Variants in PTPN1 observed in about 807,000 individuals in gnomAD.
PTPN1 encodes tyrosine-protein phosphatase non-receptor type 1.
A neutral mutation model predicts 59.9 loss-of-function variants in PTPN1; 12 were observed. The observed-to-expected ratio is 0.20, with a 90% CI of 0.13 to 0.32. The LOEUF is 0.32. PTPN1 is among the 10% of genes least tolerant of loss of function. PTPN1 has a pLI of 1.00. For synonymous variants in PTPN1, 178 were observed against 203.6 expected (o/e 0.87, Z 1.07); for missense variants, 356 against 549.2 (o/e 0.65, Z 3.52).
chr20:50,521,802 C>A (rs1424728639), intron 1 of PTPN1, among the ~76,000 whole-genome samples: 1 of 152,182 alleles, frequency 6.6e-6, no homozygotes, highest in Non-Finnish European at 1.5e-5. Flanking sequence ...CTTGAAAAAT[C>A]TGAAAATCAC....
chr20:50,567,224 C>T (rs1327110534), intron 3 of PTPN1, among the ~76,000 whole-genome samples: 2 of 152,074 alleles, frequency 1.3e-5, no homozygotes, highest in African/African-American at 2.4e-5. Flanking sequence ...GTCAGGAGTT[C>T]GAGGCCAGCC....
chr20:50,512,601 GGTA>G (rs2082512200), intron 1 of PTPN1, among the ~76,000 whole-genome samples: 1 of 152,154 alleles, frequency 6.6e-6, no homozygotes, highest in Non-Finnish European at 1.5e-5. Context: ...CATTCCCTGA[GGTA>G]GTTTCTTTTG....
At chr20:50,544,759 C>A (rs1464164382) in intron 1 of PTPN1, among the ~76,000 whole-genome samples, 1 of 152,142 alleles carries the variant, frequency 6.6e-6, no homozygotes, top group East Asian at 1.9e-4. Context: ...CTCTTTCACA[C>A]TTTGGGAGGC....
At chr20:50,548,899 G>GTA (rs1345101715) in intron 1 of PTPN1, among the ~76,000 whole-genome samples, 1 of 151,956 alleles carries the variant, frequency 6.6e-6, no homozygotes, top group Non-Finnish European at 1.5e-5. Context: ...TGTGTTTTTA[G>GTA]TACAGGCGGG....
chr20:50,581,300 TG>T lies in PTPN1; in HGVS notation c.1130del (p.Gly377GlufsTer27). 1 of 1,613,164 alleles carries T rather than the reference TG, an allele frequency of 6.2e-7. No individual in the cohort carries two copies. Among genetic ancestry groups the T allele is most frequent in the Non-Finnish European group, 8.5e-7 (1 of 1,179,250 alleles). ...GACACTGAAGTTAGAAGTCGGGTCG[TG>T]GGGGGAAGTCTTCGAGGTGCCCAGG... Reference protein sequence around the residue: ...SQDTEVRSRVVGGSLRGAQAA... With the variant: ...SQDTEVRSRVXGGSLRGAQAA... On this transcript the variant is annotated frameshift_variant, in exon 9 of 10. Transcript: ENST00000371621. LOFTEE classifies it high-confidence loss of function.
At chr20:50,555,860 G>C (rs142817883) in intron 1 of PTPN1, among the ~76,000 whole-genome samples, 1 of 151,822 alleles carries the variant, frequency 6.6e-6, no homozygotes, top group Non-Finnish European at 1.5e-5. Flanking sequence ...GTAAATATTC[G>C]TTAGCTGAGT....
intron 8 of PTPN1, among the ~76,000 whole-genome samples, chr20:50,580,872 A>G (rs1260666500): frequency 6.6e-6 from 1 of 152,222 alleles, no homozygotes; most frequent in Non-Finnish European, 1.5e-5. Flanking sequence ...TGTAGCTCTT[A>G]AAGAATGAGA....
intron 4 of PTPN1, among the ~76,000 whole-genome samples, chr20:50,569,066 C>T (rs1016241738): frequency 2.2e-4 from 33 of 152,140 alleles, no homozygotes; most frequent in South Asian, 1.2e-3. Flanking sequence ...TTGTGCAGGC[C>T]ACCACTCCTC....
Position 50,568,382 on chromosome 20 carries a change from C to A in PTPN1, c.258C>A (p.Gly86=). Residue 86 remains glycine (G), a splice_region_variant and synonymous_variant, in exon 4 of 10, where the codon GGC becomes GGA. Transcript: ENST00000371621. The surrounding 1 kb of genome is among the most constrained non-coding windows in gnomAD (Gnocchi z 5.6). ...GTTGTGTTATTGTGTCTTTGCAGGG[C>A]CCTTTGCCTAACACATGCGGTCACT... is the stretch of plus-strand genomic sequence containing the variant. ...EAQRSYILTQ[G]PLPNTCGHFW... is the part of the protein sequence containing the mutation. 6.2e-7 allele frequency: 1 copy of A among 1,613,710 alleles called. No individual in the cohort carries two copies. Among genetic ancestry groups the A allele is most frequent in the Non-Finnish European group, 8.5e-7 (1 of 1,179,656 alleles).
chr20:50,518,148 T>C (rs781686553), intron 1 of PTPN1, among the ~76,000 whole-genome samples: 2 of 152,232 alleles, frequency 1.3e-5, no homozygotes, highest in South Asian at 2.1e-4. Context: ...TTTTGCAGAA[T>C]CTTACTTAAA....
At chr20:50,556,885 T>C (rs2426161) in intron 1 of PTPN1, among the ~76,000 whole-genome samples, 96,861 of 152,088 alleles carry the variant, frequency 0.64, 30,746 homozygotes, top group Middle Eastern at 0.79. Flanking sequence ...GCAGAGGTTG[T>C]GGTGAGCCGA....
rs564886710 is a variant in PTPN1, at chr20:50,582,612, G to A, written c.1285-80G>A. The A allele has an allele frequency of 2.3e-5, 34 of 1,487,274 alleles. No homozygotes were observed. The African/African-American group carries it at 3.9e-4, about 17-fold the overall frequency. The allele number at this position is 1,487,274 out of a possible 1,614,324, so 92.1% of individuals were successfully genotyped here. Reference sequence around the variant, plus strand: ...CCTCGGAGGTTGAAGTTGCCGGGGGGTGTGGCCGGGGTCATGCATGAGGCG... The same window carrying A: ...CCTCGGAGGTTGAAGTTGCCGGGGGATGTGGCCGGGGTCATGCATGAGGCG... On this transcript the variant is annotated intron_variant, in intron 9 of 9. Coordinates refer to ENST00000371621, the MANE Select transcript of PTPN1 (RefSeq NM_002827.4). This position sits in a 1 kb window ranked among gnomAD's most constrained non-coding sequence, Gnocchi z 4.2.
chr20:50,528,003 A>G (rs549256178), intron 1 of PTPN1, among the ~76,000 whole-genome samples: 14 of 152,128 alleles, frequency 9.2e-5, no homozygotes, highest in Non-Finnish European at 1.6e-4. Flanking sequence ...GCACACATAC[A>G]CTGTGCACTA....
chr20:50,544,711 A>G (rs1329845389), intron 1 of PTPN1, among the ~76,000 whole-genome samples: 2 of 152,158 alleles, frequency 1.3e-5, no homozygotes, highest in Non-Finnish European at 1.5e-5. Context: ...ATGCCTTCAC[A>G]TTGCCGTACC....
At chr20:50,560,428 TG>T (rs1252110806) in intron 1 of PTPN1, among the ~76,000 whole-genome samples, 1 of 152,126 alleles carries the variant, frequency 6.6e-6, no homozygotes, top group South Asian at 2.1e-4. Flanking sequence ...CCTTCCTGAC[TG>T]GGAGCACAGC....
chr20:50,578,177 A>C (rs1395045164), intron 5 of PTPN1: 3 of 499,224 alleles, frequency 6.0e-6, no homozygotes, highest in African/African-American at 5.8e-5. Flanking sequence ...AGGTGAGGGG[A>C]CTCTTCAATC....
At chr20:50,581,494 G>A (rs768616933) in intron 9 of PTPN1, 34 bp downstream of exon 9, 2 of 1,575,202 alleles carry the variant, frequency 1.3e-6, no homozygotes, top group Non-Finnish European at 8.7e-7. Context: ...CTGGCGAGAT[G>A]CTCGTGTGCA....
intron 1 of PTPN1, among the ~76,000 whole-genome samples, chr20:50,521,563 G>C (rs751390250): frequency 6.6e-6 from 1 of 152,180 alleles, no homozygotes; most frequent in Non-Finnish European, 1.5e-5. Context: ...GAGAGACAGG[G>C]GATTGTGCTA....
At chr20:50,579,084 G>C in intron 6 of PTPN1, 84 bp from the exon 7 acceptor site, 1 of 1,432,752 alleles carries the variant, frequency 7.0e-7, no homozygotes, top group Non-Finnish European at 9.7e-7. Context: ...ATGAGATTGG[G>C]AGGGGACAGA....
Sources: gnomAD v4.1 joint callset for allele counts (sites outside exome capture counted in the v4.1 genomes callset) on GRCh38, gnomAD v4.1.1 for gene constraint, Gnocchi (gnomAD v3.1) non-coding constraint, MANE v1.5 for transcripts, NCBI Gene and HGNC (gene_info 2026-07-23, HGNC 2026-07-21) for gene names.